Variants in RBM47 observed in about 807,000 individuals in gnomAD.
RBM47 encodes the protein RNA-binding protein 47.
Under a neutral mutation model 47.1 loss-of-function variants are expected in RBM47, and 21 were observed. The observed-to-expected ratio is 0.45, with a 90% CI of 0.32 to 0.64. The LOEUF (loss-of-function observed/expected upper bound fraction) is 0.64, where lower values mean the gene tolerates loss of function less well. Among genes scored for constraint, RBM47 ranks in the 30% least tolerant of loss-of-function variants. The probability of loss-of-function intolerance (pLI) is 0.05; values close to 1 mark genes in which losing one functional copy is unlikely to be tolerated. For missense variants in RBM47, 708 were observed against 870.9 expected (o/e 0.81, Z 2.35); for synonymous variants, 375 against 361.7 (o/e 1.04, Z -0.42).
chr4:40,489,470 C>T (rs1307695769), intron 2 of RBM47, among the ~76,000 whole-genome samples: 1 of 152,052 alleles, frequency 6.6e-6, no homozygotes, highest in Non-Finnish European at 1.5e-5. Flanking sequence ...ACTTACTAAA[C>T]TCAGGGATAA....
At chr4:40,451,104 T>C (rs1396808244) in intron 3 of RBM47, among the ~76,000 whole-genome samples, 1 of 149,792 alleles carries the variant, frequency 6.7e-6, no homozygotes, top group Non-Finnish European at 1.5e-5. Flanking sequence ...CCCAGCACTT[T>C]GTGAGGTTGA....
At chr4:40,618,288 G>T (rs1300932503) in intron 1 of RBM47, among the ~76,000 whole-genome samples, 1 of 151,878 alleles carries the variant, frequency 6.6e-6, no homozygotes, top group Non-Finnish European at 1.5e-5. Flanking sequence ...AGGCAGCCAG[G>T]CATGTGATGT....
At chr4:40,512,138 T>A (rs886667970) in intron 2 of RBM47, among the ~76,000 whole-genome samples, 1 of 151,926 alleles carries the variant, frequency 6.6e-6, no homozygotes, top group African/African-American at 2.4e-5. Context: ...AAGTGTGGTA[T>A]TGCCAGGCGC....
At position 40,432,863 on chromosome 4, in the gene RBM47, C is replaced by G; in HGVS notation, c.1331-1G>C. The G allele has an allele frequency of 6.2e-7, 1 of 1,613,498 alleles. No homozygotes were observed. Among genetic ancestry groups the G allele is most frequent in the Non-Finnish European group, 8.5e-7 (1 of 1,179,850 alleles). On this transcript the variant is annotated splice_acceptor_variant, in intron 5 of 6. Transcript: ENST00000295971. LOFTEE classifies it high-confidence loss of function. ...TGAGCCCCAATGGCAGGGATGGCTA[C>G]TGCAAGAGAAGCAAGAAGGAAAAAC... is the stretch of plus-strand genomic sequence containing the variant.
chr4:40,500,678 T>C (rs139522607), intron 2 of RBM47, among the ~76,000 whole-genome samples: 69 of 152,288 alleles, frequency 4.5e-4, no homozygotes, highest in South Asian at 1.4e-3. Flanking sequence ...ACTTAATGAA[T>C]TGGTCATAGG....
chr4:40,580,296 T>A (rs952776745), intron 1 of RBM47, among the ~76,000 whole-genome samples: 1 of 152,058 alleles, frequency 6.6e-6, no homozygotes, highest in African/African-American at 2.4e-5. Flanking sequence ...ATCTCCCTCA[T>A]CCAAGTTTCT....
At chr4:40,609,417 A>G (rs1736054259) in intron 1 of RBM47, among the ~76,000 whole-genome samples, 1 of 150,954 alleles carries the variant, frequency 6.6e-6, no homozygotes, top group Non-Finnish European at 1.5e-5. Flanking sequence ...GGTTCAAGTG[A>G]TTCTTGTGCC....
chr4:40,546,614 A>T (rs907337000), intron 1 of RBM47, among the ~76,000 whole-genome samples: 1 of 152,188 alleles, frequency 6.6e-6, no homozygotes, highest in Non-Finnish European at 1.5e-5. Context: ...CTCAGTAATC[A>T]TTTGTTCCAA....
In RBM47 at chr4:40,438,464, C is replaced by G. The variant is rs778126567; in HGVS notation, c.430G>C (p.Val144Leu). Residue 144 changes from valine (V) to leucine (L), a missense_variant, in exon 4 of 7, where the codon GTG becomes CTG. Physicochemically the swap from Val to Leu is conservative, Grantham distance 32. Transcript: ENST00000295971. ...YEIRPGRLLG[V>L]CCSVDNCRLF... ...CGGCAGTTGTCCACGCTGCAGCACA[C>G]GCCGAGCAGGCGGCCCGGGCGGATC... The G allele has an allele frequency of 6.2e-7, 1 of 1,613,558 alleles. No homozygotes were observed. The highest frequency in any genetic ancestry group is 8.5e-7 in the Non-Finnish European group (1 of 1,179,960).
At chr4:40,565,894 C>A (rs1731053617) in intron 1 of RBM47, among the ~76,000 whole-genome samples, 1 of 151,916 alleles carries the variant, frequency 6.6e-6, no homozygotes, top group South Asian at 2.1e-4. Context: ...CATAGGGAGA[C>A]CCTGTCTCTA....
intron 1 of RBM47, among the ~76,000 whole-genome samples, chr4:40,606,271 T>C (rs1045350304): frequency 6.8e-6 from 1 of 146,820 alleles, no homozygotes; most frequent in African/African-American, 2.5e-5. Context: ...TATATAGATA[T>C]GGGGAAATTG....
intron 1 of RBM47, among the ~76,000 whole-genome samples, chr4:40,595,069 T>C (rs1734625678): frequency 6.6e-6 from 1 of 152,210 alleles, no homozygotes; most frequent in Admixed American, 6.5e-5. Context: ...TCTTGAACCT[T>C]ACCACTATGC....
chr4:40,616,494 G>A (rs984571592), intron 1 of RBM47, among the ~76,000 whole-genome samples: 46 of 151,796 alleles, frequency 3.0e-4, no homozygotes, highest in African/African-American at 9.4e-4. Context: ...GTAGTGTGGC[G>A]CTAAAAACAA....
At chr4:40,617,552 C>T (rs1383983273) in intron 1 of RBM47, among the ~76,000 whole-genome samples, 7 of 151,672 alleles carry the variant, frequency 4.6e-5, no homozygotes. Flanking sequence ...AGTGAGACTC[C>T]ATCTCAAAAT....
intron 4 of RBM47, chr4:40,437,024 G>A (rs1166398008): frequency 1.0e-5 from 3 of 291,854 alleles, no homozygotes; most frequent in African/African-American, 2.7e-5. Context: ...AGGATGGCTT[G>A]AGCCCAGGGG....
chr4:40,462,400 CAG>C (rs1717288243), intron 3 of RBM47, among the ~76,000 whole-genome samples: 1 of 152,174 alleles, frequency 6.6e-6, no homozygotes, highest in Admixed American at 6.5e-5. Flanking sequence ...TTCCCAACAA[CAG>C]AGTGTCCTCT....
intron 1 of RBM47, among the ~76,000 whole-genome samples, chr4:40,564,804 C>T (rs1052902504): frequency 6.6e-6 from 1 of 152,204 alleles, no homozygotes; most frequent in Non-Finnish European, 1.5e-5. Context: ...TCAGGCCCTA[C>T]CGAAAATTTA....
intron 2 of RBM47, among the ~76,000 whole-genome samples, chr4:40,502,889 C>T (rs1156815786): frequency 6.8e-6 from 1 of 148,050 alleles, no homozygotes; most frequent in Non-Finnish European, 1.5e-5. Flanking sequence ...CCTACGATCC[C>T]AGCACTTTGG....
intron 2 of RBM47, among the ~76,000 whole-genome samples, chr4:40,531,747 G>A (rs538880626): frequency 6.6e-6 from 1 of 152,298 alleles, no homozygotes; most frequent in East Asian, 1.9e-4. Flanking sequence ...AACCACAGAT[G>A]ACATTTTGAT....
Sources: gnomAD v4.1 joint callset for allele counts (sites outside exome capture counted in the v4.1 genomes callset) on GRCh38, gnomAD v4.1.1 for gene constraint, MANE v1.5 for transcripts, NCBI Gene and HGNC (gene_info 2026-07-23, HGNC 2026-07-21) for gene names.